LANCL3: variants seen among roughly 807,000 people sequenced by gnomAD.
LANCL3 encodes LanC like family member 3.
A neutral mutation model predicts 26.5 loss-of-function variants in LANCL3; 19 were observed. The observed-to-expected ratio is 0.72, with a 90% CI of 0.50 to 1.05. The LOEUF (loss-of-function observed/expected upper bound fraction) is 1.05, where lower values mean the gene tolerates loss of function less well. LANCL3 is among the 50% of genes least tolerant of loss of function. The pLI, the probability that LANCL3 is intolerant of heterozygous loss-of-function variation, is 0.00. For synonymous variants in LANCL3, 160 were observed against 166.6 expected, an observed-to-expected ratio of 0.96 and a Z score of 0.30; for missense variants, 318 against 362.7, an observed-to-expected ratio of 0.88 and a Z score of 1.00.
intron 1 of LANCL3, among the ~76,000 whole-genome samples, chrX:37,639,708 C>G (rs1556425733): frequency 9.0e-6 from 1 of 111,630 alleles, no homozygotes; most frequent in East Asian, 2.8e-4. Context: ...ATGCAAAGCC[C>G]TGTAAAGCAG....
chrX:37,649,078 A>G (rs782080233), intron 1 of LANCL3, among the ~76,000 whole-genome samples: 1 of 111,722 alleles, frequency 9.0e-6, no homozygotes, highest in East Asian at 2.8e-4. Context: ...CAGAAATACC[A>G]TTTGACCCAG....
intron 1 of LANCL3, among the ~76,000 whole-genome samples, chrX:37,579,749 T>G (rs1356192072): frequency 9.0e-6 from 1 of 111,454 alleles, no homozygotes; most frequent in Non-Finnish European, 1.9e-5. Flanking sequence ...CATATATGTA[T>G]TTTTGCCTAC....
intron 1 of LANCL3, among the ~76,000 whole-genome samples, chrX:37,583,709 G>A (rs1923970207): frequency 8.9e-6 from 1 of 112,238 alleles, no homozygotes; most frequent in South Asian, 3.7e-4. Context: ...AGCTTAAAGA[G>A]ATTTTGGGCT....
intron 1 of LANCL3, among the ~76,000 whole-genome samples, chrX:37,602,781 AT>A (rs1473852591): frequency 9.1e-6 from 1 of 110,416 alleles, no homozygotes; most frequent in Non-Finnish European, 1.9e-5. Context: ...TGGAGGGGTG[AT>A]TTTTTTTCTC....
chrX:37,587,337 A>G (rs1924125390), intron 1 of LANCL3, among the ~76,000 whole-genome samples: 1 of 112,793 alleles, frequency 8.9e-6, no homozygotes, highest in Non-Finnish European at 1.9e-5. Flanking sequence ...AGACAGGGAC[A>G]TTTAAGTCTG....
intron 2 of LANCL3, among the ~76,000 whole-genome samples, chrX:37,657,507 A>G (rs1293471249): frequency 9.3e-6 from 1 of 107,352 alleles, no homozygotes; most frequent in Non-Finnish European, 1.9e-5. Context: ...GACTACAGGT[A>G]TGCTTCAGTA....
intron 1 of LANCL3, among the ~76,000 whole-genome samples, chrX:37,654,720 A>G (rs1348727686): frequency 5.4e-5 from 6 of 111,976 alleles, no homozygotes; most frequent in Admixed American, 1.9e-4. Context: ...TTACTCACTC[A>G]TCGGTTGTGA....
At chrX:37,575,082 C>T (rs1325076515) in intron 1 of LANCL3, among the ~76,000 whole-genome samples, 3 of 109,151 alleles carry the variant, frequency 2.7e-5, no homozygotes, top group Non-Finnish European at 5.7e-5. Flanking sequence ...TGTGCCACCA[C>T]ACCCAGCTAA....
chrX:37,671,168 T>C (rs1469952966), intron 4 of LANCL3, among the ~76,000 whole-genome samples: 1 of 111,397 alleles, frequency 9.0e-6, no homozygotes, highest in Non-Finnish European at 1.9e-5. Flanking sequence ...TTCTATTGGG[T>C]TTTCTAAATA....
At chrX:37,590,171 C>T (rs782381016) in intron 1 of LANCL3, among the ~76,000 whole-genome samples, 65 of 112,296 alleles carry the variant, frequency 5.8e-4, no homozygotes, top group African/African-American at 2.1e-3. Flanking sequence ...CCACTCCAAC[C>T]CCCTATTCTG....
In LANCL3 at chrX:37,572,061, G is replaced by T. The variant is rs781840615; in HGVS notation, c.191G>T (p.Gly64Val). The T allele has an allele frequency of 4.2e-6, 5 of 1,180,327 alleles. No individual in the cohort carries two copies. The highest frequency in any genetic ancestry group is 3.1e-5 in the East Asian group (1 of 32,645). The part of the protein sequence containing the change: ...ATAGASACQG[G>V]LYGGVAGVAY... Reference sequence around the variant, plus strand: ...GCGGGGGCTAGCGCCTGCCAGGGGGGGCTTTATGGCGGCGTGGCCGGAGTG... The same window carrying T: ...GCGGGGGCTAGCGCCTGCCAGGGGGTGCTTTATGGCGGCGTGGCCGGAGTG... Residue 64 changes from glycine to valine, a missense_variant, in exon 1 of 5, where the codon GGG becomes GTG. Physicochemically the swap from Gly to Val is moderately radical, Grantham distance 109 (BLOSUM62 -3). Coordinates refer to ENST00000378619, the MANE Select transcript of LANCL3 (RefSeq NM_001170331.2).
chrX:37,605,081 T>C (rs1220988578), intron 1 of LANCL3, among the ~76,000 whole-genome samples: 1 of 111,701 alleles, frequency 9.0e-6, no homozygotes, highest in African/African-American at 3.3e-5. Context: ...TCTATCCCCT[T>C]TGTCGCCATC....
In LANCL3 at chrX:37,665,041, T is replaced by A. The variant is rs782694687; in HGVS notation, c.896-2241T>A. On this transcript the variant is annotated intron_variant, in intron 3 of 4. Coordinates refer to ENST00000378619, the MANE Select transcript of LANCL3 (RefSeq NM_001170331.2). ...ACATACACGTCATTGGCTTCATTTT[T>A]GTCTTTCTGCTAACATAACCAGCTC... Among the ~76,000 whole-genome samples the A allele has an allele frequency of 2.7e-5, 3 of 112,042 alleles. No homozygotes were observed. In the East Asian group the frequency reaches 8.4e-4, roughly 31 times the overall value.
At chrX:37,580,170 T>C (rs1311189302) in intron 1 of LANCL3, among the ~76,000 whole-genome samples, 2 of 111,616 alleles carry the variant, frequency 1.8e-5, no homozygotes, top group East Asian at 5.6e-4. Flanking sequence ...AGCTGGATTT[T>C]TGTAGGCTGG....
chrX:37,621,170 C>T (rs2146744740), intron 1 of LANCL3, among the ~76,000 whole-genome samples: 1 of 112,352 alleles, frequency 8.9e-6, no homozygotes, highest in East Asian at 2.8e-4. Context: ...GATACTTTGT[C>T]CTTTTTCATC....
At chrX:37,599,410 A>T (rs1556419814) in intron 1 of LANCL3, among the ~76,000 whole-genome samples, 1 of 112,128 alleles carries the variant, frequency 8.9e-6, no homozygotes, top group Non-Finnish European at 1.9e-5. Context: ...CCTTACATAG[A>T]TCTGGGGTAG....
At position 37,641,083 on chromosome X, in the gene LANCL3, A is replaced by G. The variant is rs185652935; in HGVS notation, c.574-14605A>G. ...CTGAATTTTATATTCTAGCTCTCCTAAAGATTACTGGTTAAAATTATTAAA... is the reference window on the plus strand; with the variant it reads ...CTGAATTTTATATTCTAGCTCTCCTGAAGATTACTGGTTAAAATTATTAAA... On this transcript the variant is annotated intron_variant, in intron 1 of 4. Transcript: ENST00000378619. 1.1e-4 allele frequency among the ~76,000 whole-genome samples: 12 copies of G among 111,200 alleles called. No homozygotes were observed. In the East Asian group the frequency reaches 2.5e-3, roughly 23 times the overall value.
At chrX:37,630,118 T>A (rs782792415) in intron 1 of LANCL3, among the ~76,000 whole-genome samples, 8 of 111,345 alleles carry the variant, frequency 7.2e-5, no homozygotes, top group African/African-American at 2.3e-4. Context: ...TATCCTCTTT[T>A]ATTTCATTGA....
chrX:37,631,725 G>A (rs1925518576), intron 1 of LANCL3, among the ~76,000 whole-genome samples: 1 of 111,503 alleles, frequency 9.0e-6, no homozygotes, highest in Admixed American at 9.5e-5. Flanking sequence ...TAGTCATTCA[G>A]GAGCAGGTTG....
Sources: allele counts gnomAD v4.1 joint callset (sites outside exome capture counted in the v4.1 genomes callset), GRCh38; gene constraint gnomAD v4.1.1; transcripts MANE v1.5; gene names NCBI Gene and HGNC (gene_info 2026-07-23, HGNC 2026-07-21).